Variants in NCOR2 observed in about 807,000 individuals in gnomAD.
NCOR2 encodes CTG repeat protein 26.
NCOR2 carries 81 observed loss-of-function variants against 262.9 expected under a neutral mutation model. That is an observed-to-expected ratio of 0.31 (90% CI 0.26 to 0.37). The LOEUF is 0.37. Ranked by LOEUF, NCOR2 falls within the 10% of genes least tolerant of loss-of-function variation. NCOR2 has a pLI of 1.00. For missense variants in NCOR2, 3,385 were observed against 3,621.4 expected, an observed-to-expected ratio of 0.93 and a Z score of 1.68; for synonymous variants, 1,659 against 1,559.3, an observed-to-expected ratio of 1.06 and a Z score of -1.51.
At chr12:124,431,411 G>C (rs2043919941) in intron 8 of NCOR2, among the ~76,000 whole-genome samples, 2 of 142,134 alleles carry the variant, frequency 1.4e-5, no homozygotes, top group Non-Finnish European at 3.0e-5. Flanking sequence ...TACACAGGCA[G>C]ACAGACAGAC....
At chr12:124,430,670 C>G (rs775085808) in exon 9 of NCOR2, 1 of 1,614,130 alleles carries the variant, frequency 6.2e-7, no homozygotes, top group East Asian at 2.2e-5. Flanking sequence ...AACTGCTTCT[C>G]GTAGTACTCG....
In NCOR2 at chr12:124,531,580, G is replaced by A. The variant is rs2050778685; in HGVS notation, c.-118+3985C>T. On this transcript the variant is annotated intron_variant, in intron 1 of 46. Transcript: ENST00000404621. This position sits in a 1 kb window ranked among gnomAD's most constrained non-coding sequence, Gnocchi z 4.5. ...CCCCCGCCCAGGGCTGAGCATCCAG[G>A]CTGGGAAGGAGAGAGAGGAGGATGG... Among the ~76,000 whole-genome samples, 2 of 151,916 alleles carry A rather than the reference G, an allele frequency of 1.3e-5. No individual in the cohort carries two copies. Among genetic ancestry groups the A allele is most frequent in the African/African-American group, 4.8e-5 (2 of 41,354 alleles).
At chr12:124,417,631 G>A (rs1332466591) in intron 13 of NCOR2, among the ~76,000 whole-genome samples, 6 of 152,186 alleles carry the variant, frequency 3.9e-5, no homozygotes, top group Admixed American at 2.6e-4. Flanking sequence ...TCTTGAGGCC[G>A]TTAGCCACCC....
intron 1 of NCOR2, among the ~76,000 whole-genome samples, chr12:124,519,093 C>CACACACAT (rs780885469): frequency 0.016 from 2,228 of 140,212 alleles, 43 homozygotes; most frequent in African/African-American, 0.033. Context: ...AAATAATACA[C>CACACACAT]ACACACACAC....
chr12:124,336,859 G>A (rs377215571), exon 38 of NCOR2: 14 of 1,611,766 alleles, frequency 8.7e-6, no homozygotes, highest in Middle Eastern at 3.3e-4. Flanking sequence ...CCGGGCTGGC[G>A]TGGTGAGGTG....
chr12:124,481,992 G>A lies in NCOR2; in HGVS notation c.411+1604C>T, dbSNP rs1176421171. ...GGAATTGAGATATTTTAGGGCAGAGGTGTCAGGATTTGCTGATGGACTGGA... is the reference window on the plus strand; with the variant it reads ...GGAATTGAGATATTTTAGGGCAGAGATGTCAGGATTTGCTGATGGACTGGA... On this transcript the variant is annotated intron_variant, in intron 3 of 46. Transcript: ENST00000405201. The surrounding 1 kb of genome is among the most constrained non-coding windows in gnomAD (Gnocchi z 4.6). 6.6e-6 allele frequency among the ~76,000 whole-genome samples: 1 copy of A among 152,148 alleles called. No homozygotes were observed. The highest frequency in any genetic ancestry group is 1.9e-4 in the East Asian group (1 of 5,188).
intron 1 of NCOR2, among the ~76,000 whole-genome samples, chr12:124,518,510 G>A (rs1277880437): frequency 5.3e-5 from 8 of 152,334 alleles, no homozygotes; most frequent in East Asian, 1.9e-4. Flanking sequence ...CTGACCCCAC[G>A]GCTGGGCCGT....
chr12:124,342,174 T>C, intron 33 of NCOR2, 100 bp from the exon 36 acceptor site: 1 of 1,375,838 alleles, frequency 7.3e-7, no homozygotes, highest in Non-Finnish European at 9.7e-7. Flanking sequence ...CCCGGACAGC[T>C]TCTCCCACCT....
Position 124,376,302 on chromosome 12 carries a change from T to C in NCOR2, c.2168-1839A>G, listed in dbSNP as rs113100824. On this transcript the variant is annotated intron_variant, in intron 18 of 46. Coordinates refer to ENST00000405201, the Ensembl canonical transcript of NCOR2. ...GGGGCTACGTAAGCTCTGCAAGCGATGCGGGGGTCGTTGCCACACAGTCCT... is the reference window on the plus strand; with the variant it reads ...GGGGCTACGTAAGCTCTGCAAGCGACGCGGGGGTCGTTGCCACACAGTCCT... 6.2e-3 allele frequency among the ~76,000 whole-genome samples: 942 copies of C among 152,260 alleles called. 12 individuals are homozygous for C. The highest frequency in any genetic ancestry group is 0.021 in the African/African-American group (890 of 41,564).
intron 14 of NCOR2, among the ~76,000 whole-genome samples, chr12:124,401,925 G>A (rs1458249730): frequency 2.0e-5 from 3 of 152,160 alleles, no homozygotes; most frequent in South Asian, 2.1e-4. Context: ...CACGGCCCCC[G>A]CGGTGAGGCT....
intron 17 of NCOR2, among the ~76,000 whole-genome samples, chr12:124,382,218 TGAGACC>T (rs2040462429): frequency 6.6e-6 from 1 of 152,182 alleles, no homozygotes; most frequent in South Asian, 2.1e-4. Context: ...CCTCTCCTGG[TGAGACC>T]TGCTTGCTTA....
intron 8 of NCOR2, among the ~76,000 whole-genome samples, chr12:124,433,875 C>A (rs11057620): frequency 0.014 from 1,353 of 96,000 alleles, 28 homozygotes; most frequent in East Asian, 0.062. Context: ...CACACACACA[C>A]ACACACACAC....
upstream of NCOR2, among the ~76,000 whole-genome samples, chr12:124,498,239 C>T (rs1038870498): frequency 2.6e-5 from 4 of 152,208 alleles, no homozygotes; most frequent in African/African-American, 9.7e-5. Flanking sequence ...CAGTGAGATG[C>T]TGCCTGGGGG....
chr12:124,429,017 G>A (rs1169891417), intron 10 of NCOR2, among the ~76,000 whole-genome samples: 2 of 152,202 alleles, frequency 1.3e-5, no homozygotes, highest in Non-Finnish European at 2.9e-5. Context: ...CCCCAGTGAC[G>A]GCAGCCAGGG....
intron 7 of NCOR2, among the ~76,000 whole-genome samples, chr12:124,438,924 C>A (rs111205144): frequency 8.8e-5 from 1 of 11,308 alleles, no homozygotes; most frequent in African/African-American, 5.5e-4. Context: ...GAGAGAGAGA[C>A]GGAGACCCAG....
At chr12:124,345,060 C>T in intron 31 of NCOR2, 109 bp from the exon 34 acceptor site, 2 of 988,920 alleles carry the variant, frequency 2.0e-6, no homozygotes, top group Non-Finnish European at 2.9e-6. Context: ...ATGGAAGTGA[C>T]ATCTGATGCC....
intron 17 of NCOR2, among the ~76,000 whole-genome samples, chr12:124,381,940 C>G (rs777465208): frequency 5.3e-5 from 8 of 152,360 alleles, no homozygotes; most frequent in Non-Finnish European, 8.8e-5. Flanking sequence ...CGCCCGGCCG[C>G]CGGATCCTGC....
chr12:124,336,642 C>A, intron 38 of NCOR2, 111 bp downstream of exon 40: 1 of 1,512,012 alleles, frequency 6.6e-7, no homozygotes, highest in Non-Finnish European at 8.8e-7. Context: ...GTCTTACCAT[C>A]GCGAGGGGAG....
intron 16 of NCOR2, among the ~76,000 whole-genome samples, chr12:124,392,273 CCT>C (rs1299134055): frequency 1.3e-5 from 2 of 152,192 alleles, no homozygotes; most frequent in Non-Finnish European, 1.5e-5. Context: ...AGACCCTGCC[CCT>C]GTGTCTGGCT....
Sources: allele counts gnomAD v4.1 joint callset (sites outside exome capture counted in the v4.1 genomes callset), GRCh38; gene constraint gnomAD v4.1.1; non-coding constraint Gnocchi (gnomAD v3.1); transcripts MANE v1.5; gene names NCBI Gene and HGNC (gene_info 2026-07-23, HGNC 2026-07-21).